The following OSBPL1A variants were observed in gnomAD, a reference collection of about 807,000 sequenced individuals.
OSBPL1A encodes the protein oxysterol binding protein like 1A.
A neutral mutation model predicts 137.1 loss-of-function variants in OSBPL1A; 80 were observed. The observed-to-expected ratio is 0.58, with a 90% confidence interval of 0.49 to 0.70. The LOEUF (loss-of-function observed/expected upper bound fraction) is 0.70. OSBPL1A is among the 30% of genes least tolerant of loss of function. The pLI is 0.00. For synonymous variants in OSBPL1A, 365 were observed against 389.7 expected (o/e 0.94, Z 0.75); for missense variants, 970 against 1,129.4 (o/e 0.86, Z 2.02).
intron 16 of OSBPL1A, among the ~76,000 whole-genome samples, chr18:24,227,983 G>T (rs2088141911): frequency 6.6e-6 from 1 of 152,080 alleles, no homozygotes; most frequent in Non-Finnish European, 1.5e-5. Context: ...CACCTAAAAA[G>T]AATTTTTTTT....
intron 23 of OSBPL1A, among the ~76,000 whole-genome samples, chr18:24,171,039 T>G (rs982765065): frequency 1.3e-5 from 2 of 151,258 alleles, no homozygotes; most frequent in South Asian, 4.1e-4. Context: ...GGCAATTTTT[T>G]TTGTTTTTTT....
chr18:24,215,812 G>C (rs2087680499), intron 17 of OSBPL1A, among the ~76,000 whole-genome samples: 1 of 152,184 alleles, frequency 6.6e-6, no homozygotes. Flanking sequence ...GGCTGTTACT[G>C]TGAAAGATAT....
chr18:24,171,067 C>T (rs1411280538), intron 23 of OSBPL1A, among the ~76,000 whole-genome samples: 3 of 150,594 alleles, frequency 2.0e-5, no homozygotes, highest in African/African-American at 4.9e-5. Context: ...GATGGAGTCT[C>T]GCTGTCACCT....
At chr18:24,377,282 A>G (rs1906252034) in intron 2 of OSBPL1A, 131 bp downstream of exon 2, 2 of 1,138,812 alleles carry the variant, frequency 1.8e-6, no homozygotes, top group Non-Finnish European at 2.4e-6. Context: ...ATTTCCTCCA[A>G]TCTGTGGGGT....
intron 13 of OSBPL1A, among the ~76,000 whole-genome samples, chr18:24,311,154 T>C (rs1346035640): frequency 1.3e-5 from 2 of 152,200 alleles, no homozygotes; most frequent in Admixed American, 1.3e-4. Flanking sequence ...CCTTTTATAT[T>C]TTAATGTAAA....
intron 7 of OSBPL1A, among the ~76,000 whole-genome samples, chr18:24,322,420 C>T (rs569419363): frequency 8.6e-5 from 13 of 151,996 alleles, no homozygotes; most frequent in African/African-American, 3.1e-4. Flanking sequence ...CGTGCCCGGC[C>T]TTGTATGTGG....
At chr18:24,290,275 A>G (rs940961878) in intron 14 of OSBPL1A, among the ~76,000 whole-genome samples, 1 of 152,362 alleles carries the variant, frequency 6.6e-6, no homozygotes, top group Admixed American at 6.5e-5. Context: ...TATGCTAGAA[A>G]GAAAGAAACA....
At chr18:24,306,469 T>C (rs979139539) in intron 13 of OSBPL1A, among the ~76,000 whole-genome samples, 16 of 152,298 alleles carry the variant, frequency 1.1e-4, no homozygotes, top group African/African-American at 3.8e-4. Context: ...GATTGCCACC[T>C]ACTCAGCAAT....
intron 3 of OSBPL1A, chr18:24,367,569 G>C (rs953407478): frequency 4.6e-5 from 7 of 151,492 alleles, no homozygotes; most frequent in African/African-American, 1.7e-4. Flanking sequence ...CTTGAACCTG[G>C]GAGGTCAAGG....
intron 20 of OSBPL1A, 116 bp from the exon 21 acceptor site, chr18:24,178,311 T>C: frequency 9.4e-7 from 1 of 1,067,112 alleles, no homozygotes; most frequent in Non-Finnish European, 1.3e-6. Context: ...TTGTTGTTGT[T>C]GAGACAAAAT....
chr18:24,188,593 C>T (rs377683309), intron 18 of OSBPL1A, among the ~76,000 whole-genome samples: 2 of 152,304 alleles, frequency 1.3e-5, no homozygotes, highest in East Asian at 3.9e-4. Flanking sequence ...AATGGAAAGG[C>T]ACACGGCTGG....
At chr18:24,328,218 ATTTTTTT>A (rs564798076) in intron 7 of OSBPL1A, among the ~76,000 whole-genome samples, 6 of 48,612 alleles carry the variant, frequency 1.2e-4, no homozygotes, top group South Asian at 6.6e-4. Context: ...AATTTTTTGT[ATTTTTTT>A]TTTTTTTTTT....
chr18:24,196,412 C>T (rs954218548), intron 17 of OSBPL1A, among the ~76,000 whole-genome samples: 1 of 152,232 alleles, frequency 6.6e-6, no homozygotes, highest in African/African-American at 2.4e-5. Context: ...CAATCAACTG[C>T]TCCTCTGTCT....
At position 24,303,942 on chromosome 18, in the gene OSBPL1A, T is replaced by C. The variant is rs559269778; in HGVS notation, c.1093-224A>G. On this transcript the variant is annotated intron_variant, in intron 13 of 27. Transcript: ENST00000319481. ...TAAATATTTTAAAGGTTTAAATACA[T>C]TCAACATCTGTTGTGTAGATACCAT... 3.9e-5 allele frequency among the ~76,000 whole-genome samples: 6 copies of C among 152,286 alleles called. No homozygotes were observed. In the South Asian group the frequency reaches 8.3e-4, roughly 21 times the overall value.
At chr18:24,169,751 G>A (rs2086230325) in intron 24 of OSBPL1A, among the ~76,000 whole-genome samples, 1 of 152,220 alleles carries the variant, frequency 6.6e-6, no homozygotes, top group South Asian at 2.1e-4. Flanking sequence ...GAAGGGGCAG[G>A]AGTTTGCTAA....
chr18:24,245,471 C>T (rs1173383573), intron 15 of OSBPL1A, among the ~76,000 whole-genome samples: 1 of 152,186 alleles, frequency 6.6e-6, no homozygotes, highest in Admixed American at 6.5e-5. Flanking sequence ...AGGTGACTCC[C>T]TGCTGTTGAC....
At chr18:24,379,528 A>C (rs907183729) in intron 1 of OSBPL1A, among the ~76,000 whole-genome samples, 2 of 148,724 alleles carry the variant, frequency 1.3e-5, no homozygotes, top group Admixed American at 1.3e-4. Flanking sequence ...TCAAAAAAAA[A>C]AAAAAGAATG....
intron 18 of OSBPL1A, among the ~76,000 whole-genome samples, chr18:24,182,776 T>C (rs1168097020): frequency 6.6e-6 from 1 of 152,198 alleles, no homozygotes; most frequent in Admixed American, 6.5e-5. Context: ...TAAGAGCTCA[T>C]TAAACCCAGA....
chr18:24,186,066 TTAAAAAA>T (rs1258290363), intron 18 of OSBPL1A, among the ~76,000 whole-genome samples: 1 of 152,142 alleles, frequency 6.6e-6, no homozygotes, highest in African/African-American at 2.4e-5. Context: ...AGACCCTGTC[TTAAAAAA>T]TAAAATAAAA....
Sources: gnomAD v4.1 joint callset for allele counts (sites outside exome capture counted in the v4.1 genomes callset) on GRCh38, gnomAD v4.1.1 for gene constraint, MANE v1.5 for transcripts, NCBI Gene and HGNC (gene_info 2026-07-23, HGNC 2026-07-21) for gene names.